Variants in TEAD1 observed in about 807,000 individuals in gnomAD.
The protein encoded by TEAD1 is TEA domain transcription factor 1, also known as transcriptional enhancer factor TEF-1.
TEAD1 carries 9 observed loss-of-function variants against 54.9 expected under a neutral mutation model. The observed-to-expected ratio is 0.16, with a 90% CI of 0.10 to 0.29. TEAD1 has a LOEUF of 0.29. TEAD1 is among the 10% of genes least tolerant of loss of function. The pLI, the probability that TEAD1 is intolerant of heterozygous loss-of-function variation, is 1.00. For synonymous variants in TEAD1, 200 were observed against 187.8 expected (o/e 1.07, Z -0.53); for missense variants, 387 against 535.9 (o/e 0.72, Z 2.74).
chr11:12,861,891 C>T (rs1157014968), intron 3 of TEAD1, among the ~76,000 whole-genome samples: 1 of 151,858 alleles, frequency 6.6e-6, no homozygotes, highest in Admixed American at 6.6e-5. Context: ...GATGCTGAGG[C>T]AGGAGAATCA....
chr11:12,764,870 G>A (rs1191236114), intron 3 of TEAD1, among the ~76,000 whole-genome samples: 6 of 149,570 alleles, frequency 4.0e-5, no homozygotes, highest in African/African-American at 1.5e-4. Flanking sequence ...CCCCCTTGAG[G>A]AAGAGCCAGC....
At chr11:12,911,040 C>T (rs1023821546) in intron 10 of TEAD1, among the ~76,000 whole-genome samples, 1 of 152,128 alleles carries the variant, frequency 6.6e-6, no homozygotes, top group Non-Finnish European at 1.5e-5. Flanking sequence ...AGCCACCATG[C>T]CTGGCCAATT....
At chr11:12,900,776 A>C (rs1948413443) in intron 9 of TEAD1, among the ~76,000 whole-genome samples, 1 of 152,180 alleles carries the variant, frequency 6.6e-6, no homozygotes, top group African/African-American at 2.4e-5. Flanking sequence ...ACTCAGGGAC[A>C]GTAGTTGGAG....
At chr11:12,857,083 G>C (rs2134060219) in intron 3 of TEAD1, among the ~76,000 whole-genome samples, 1 of 152,270 alleles carries the variant, frequency 6.6e-6, no homozygotes, top group African/African-American at 2.4e-5. Flanking sequence ...CAAACTCCAT[G>C]CCTTTCTTCT....
chr11:12,841,167 A>G (rs949670756), intron 3 of TEAD1, among the ~76,000 whole-genome samples: 1 of 152,190 alleles, frequency 6.6e-6, no homozygotes, highest in African/African-American at 2.4e-5. Flanking sequence ...TAAAAGGGAA[A>G]TCCTGAAAAA....
At chr11:12,869,706 AC>A (rs1050996211) in intron 5 of TEAD1, among the ~76,000 whole-genome samples, 2 of 152,092 alleles carry the variant, frequency 1.3e-5, no homozygotes, top group African/African-American at 4.8e-5. Context: ...CAAGTGGCAA[AC>A]ATTATTCTGT....
intron 2 of TEAD1, among the ~76,000 whole-genome samples, chr11:12,696,146 G>A (rs891567412): frequency 3.9e-5 from 6 of 152,196 alleles, no homozygotes; most frequent in African/African-American, 9.7e-5. Context: ...GGAAAACTTT[G>A]TGGATTTAAC....
intron 2 of TEAD1, among the ~76,000 whole-genome samples, chr11:12,686,449 A>G (rs1055347799): frequency 3.3e-5 from 5 of 152,228 alleles, no homozygotes; most frequent in East Asian, 1.9e-4. Flanking sequence ...GGATGCACTC[A>G]TAAGTATTTT....
intron 3 of TEAD1, among the ~76,000 whole-genome samples, chr11:12,831,950 C>T (rs1397686102): frequency 6.6e-6 from 1 of 152,024 alleles, no homozygotes; most frequent in Non-Finnish European, 1.5e-5. Context: ...ATTTACTGCT[C>T]TCAACAGGTA....
At chr11:12,764,110 C>T (rs1221408628) in intron 2 of TEAD1, 69 bp from the exon 3 acceptor site, 2 of 1,003,470 alleles carry the variant, frequency 2.0e-6, no homozygotes, top group East Asian at 2.4e-5. Flanking sequence ...AGAACTTGCA[C>T]TAGAGCTAGC....
chr11:12,819,550 G>A (rs1023350591), intron 3 of TEAD1, among the ~76,000 whole-genome samples: 2 of 152,064 alleles, frequency 1.3e-5, no homozygotes, highest in South Asian at 2.1e-4. Flanking sequence ...CCAGGTTCAC[G>A]CCATTCTCCT....
intron 3 of TEAD1, among the ~76,000 whole-genome samples, chr11:12,817,887 C>T (rs1334234319): frequency 6.6e-6 from 1 of 152,238 alleles, no homozygotes; most frequent in African/African-American, 2.4e-5. Context: ...GCCCACAATG[C>T]AGCTTTGTCC....
intron 2 of TEAD1, among the ~76,000 whole-genome samples, chr11:12,698,723 A>G (rs902193620): frequency 1.4e-4 from 21 of 152,110 alleles, no homozygotes; most frequent in Non-Finnish European, 5.9e-5. Context: ...GAAATGCATA[A>G]TATGAGATCC....
At chr11:12,820,842 A>G (rs1190211335) in intron 3 of TEAD1, among the ~76,000 whole-genome samples, 1 of 152,200 alleles carries the variant, frequency 6.6e-6, no homozygotes, top group Non-Finnish European at 1.5e-5. Context: ...AATCAAAGCG[A>G]ACAATTTTAA....
At chr11:12,814,007 A>G (rs748151294) in intron 3 of TEAD1, among the ~76,000 whole-genome samples, 5 of 152,164 alleles carry the variant, frequency 3.3e-5, no homozygotes, top group Admixed American at 6.5e-5. Flanking sequence ...TTCTTTCCCC[A>G]TTGGCACAGC....
intron 3 of TEAD1, among the ~76,000 whole-genome samples, chr11:12,781,242 G>A (rs1031792288): frequency 6.6e-6 from 1 of 152,174 alleles, no homozygotes; most frequent in African/African-American, 2.4e-5. Context: ...AGGAAATACA[G>A]GAATGAGTCT....
chr11:12,763,206 A>C (rs1055282766), intron 2 of TEAD1, among the ~76,000 whole-genome samples: 1 of 152,180 alleles, frequency 6.6e-6, no homozygotes, highest in South Asian at 2.1e-4. Flanking sequence ...TTATATACAT[A>C]ATTTAAGGGG....
intron 2 of TEAD1, among the ~76,000 whole-genome samples, chr11:12,714,400 TC>T (rs1270600466): frequency 6.6e-6 from 1 of 152,188 alleles, no homozygotes; most frequent in East Asian, 1.9e-4. Flanking sequence ...TTTTGGCTTT[TC>T]TTTTTTTTGA....
chr11:12,776,945 C>T (rs954643149), intron 3 of TEAD1, among the ~76,000 whole-genome samples: 4 of 152,002 alleles, frequency 2.6e-5, no homozygotes, highest in Non-Finnish European at 1.5e-5. Context: ...CAGGCATGCA[C>T]CACCATGCTC....
Sources: gnomAD v4.1 joint callset for allele counts (sites outside exome capture counted in the v4.1 genomes callset) on GRCh38, gnomAD v4.1.1 for gene constraint, MANE v1.5 for transcripts, NCBI Gene and HGNC (gene_info 2026-07-23, HGNC 2026-07-21) for gene names.